CAB39L: variants seen among roughly 807,000 people sequenced by gnomAD.
CAB39L encodes the protein calcium-binding protein 39-like.
CAB39L carries 23 observed loss-of-function variants against 39.1 expected under a neutral mutation model. The observed-to-expected ratio is 0.59, with a 90% CI of 0.42 to 0.83. CAB39L has a LOEUF of 0.83. Among genes scored for constraint, CAB39L ranks in the 40% least tolerant of loss-of-function variants. The probability of loss-of-function intolerance (pLI) is 0.00; values close to 1 mark genes in which losing one functional copy is unlikely to be tolerated. For synonymous variants in CAB39L, 126 were observed against 137.2 expected (o/e 0.92, Z 0.57); for missense variants, 366 against 391.9 (o/e 0.93, Z 0.56).
At chr13:49,410,133 G>T (rs1264763590) in intron 3 of CAB39L, among the ~76,000 whole-genome samples, 1 of 152,092 alleles carries the variant, frequency 6.6e-6, no homozygotes, top group Non-Finnish European at 1.5e-5. Context: ...AGATCTTGGA[G>T]CCCCAAGATT....
At chr13:49,418,651 C>G (rs1348006660) in intron 3 of CAB39L, among the ~76,000 whole-genome samples, 1 of 152,178 alleles carries the variant, frequency 6.6e-6, no homozygotes, top group African/African-American at 2.4e-5. Context: ...TCACTGCAAC[C>G]TTCCCCTCCT....
intron 10 of CAB39L, among the ~76,000 whole-genome samples, chr13:49,321,949 T>A (rs532423365): frequency 6.6e-5 from 10 of 152,218 alleles, no homozygotes; most frequent in Admixed American, 3.3e-4. Context: ...ATTACCTATA[T>A]CTCACGGAGT....
At chr13:49,325,184 A>T (rs1954461774) in intron 10 of CAB39L, among the ~76,000 whole-genome samples, 1 of 152,242 alleles carries the variant, frequency 6.6e-6, no homozygotes, top group African/African-American at 2.4e-5. Flanking sequence ...AAAAATAGAA[A>T]GGAGAAGTGA....
intron 3 of CAB39L, among the ~76,000 whole-genome samples, chr13:49,418,680 T>A (rs1957123014): frequency 1.3e-5 from 2 of 152,140 alleles, no homozygotes; most frequent in South Asian, 4.1e-4. Context: ...GCGATTCTTC[T>A]GCCTCCTGAG....
intron 5 of CAB39L, among the ~76,000 whole-genome samples, chr13:49,365,414 C>T (rs1476196813): frequency 6.6e-6 from 1 of 152,162 alleles, no homozygotes; most frequent in African/African-American, 2.4e-5. Context: ...AGCAAAACCC[C>T]ACAAGCACAG....
At position 49,310,889 on chromosome 13, in the gene CAB39L, C is replaced by T. The variant is rs1215317988; in HGVS notation, c.939G>A (p.Thr313=). The T allele has an allele frequency of 8.1e-6, 13 of 1,613,988 alleles. No individual in the cohort carries two copies. The highest frequency in any genetic ancestry group is 3.3e-5 in the South Asian group (3 of 91,080). The change falls in exon 11 of 11, where the codon ACG becomes ACA. Residue 313 remains threonine, a synonymous_variant. Transcript: ENST00000409308. ...TCTCGTCAGCGAACTGCTCATCATCCGTCCTTTCTTTTTGGAAGCTGCTCA... is the reference window on the plus strand; with the variant it reads ...TCTCGTCAGCGAACTGCTCATCATCTGTCCTTTCTTTTTGGAAGCTGCTCA... ...EFLSSFQKER[T]DDEQFADEKN... is the part of the protein sequence containing the mutation.
chr13:49,359,599 T>C (rs961837554), intron 6 of CAB39L, 115 bp downstream of exon 6: 7 of 583,740 alleles, frequency 1.2e-5, no homozygotes, highest in Non-Finnish European at 2.1e-5. Flanking sequence ...ACATGACAAA[T>C]ACCTTTACTG....
At chr13:49,329,198 C>G (rs11839149) in intron 10 of CAB39L, among the ~76,000 whole-genome samples, 22,205 of 152,044 alleles carry the variant, frequency 0.15, 1,737 homozygotes, top group African/African-American at 0.18. Context: ...TTCATTTACT[C>G]TAAATCCATA....
chr13:49,424,120 CCT>C (rs1329485989), intron 3 of CAB39L, among the ~76,000 whole-genome samples: 4 of 152,138 alleles, frequency 2.6e-5, no homozygotes, highest in Non-Finnish European at 4.4e-5. Context: ...CTCCCCACTC[CCT>C]GAGTGTAAGT....
At chr13:49,314,214 C>T (rs556473285) in intron 10 of CAB39L, among the ~76,000 whole-genome samples, 7 of 152,200 alleles carry the variant, frequency 4.6e-5, no homozygotes, top group East Asian at 3.9e-4. Context: ...AAGGCGGCGC[C>T]GGCTCTGGAA....
chr13:49,317,287 T>C (rs1954184982), intron 10 of CAB39L, among the ~76,000 whole-genome samples: 1 of 152,114 alleles, frequency 6.6e-6, no homozygotes. Context: ...CCCAGCACTT[T>C]GGGAGGCCGA....
intron 3 of CAB39L, among the ~76,000 whole-genome samples, chr13:49,405,998 G>T (rs955412436): frequency 6.6e-6 from 1 of 151,994 alleles, no homozygotes; most frequent in African/African-American, 2.4e-5. Flanking sequence ...GAGAATGATG[G>T]TGGCAGGAAG....
chr13:49,312,537 C>T (rs1454969553), intron 10 of CAB39L, among the ~76,000 whole-genome samples: 1 of 152,210 alleles, frequency 6.6e-6, no homozygotes, highest in African/African-American at 2.4e-5. Context: ...ATAGCCCACA[C>T]TATATAGCCT....
intron 3 of CAB39L, among the ~76,000 whole-genome samples, chr13:49,386,741 C>T (rs1223225466): frequency 6.6e-6 from 1 of 151,834 alleles, no homozygotes; most frequent in Non-Finnish European, 1.5e-5. Flanking sequence ...TAAGGCAGAA[C>T]TCTCCTGCCT....
At chr13:49,367,795 A>G (rs1955809429) in intron 5 of CAB39L, among the ~76,000 whole-genome samples, 1 of 152,048 alleles carries the variant, frequency 6.6e-6, no homozygotes, top group African/African-American at 2.4e-5. Context: ...GCACATGCCT[A>G]TAGTCTCAGC....
chr13:49,344,521 ATTTT>A (rs369905242), intron 7 of CAB39L, among the ~76,000 whole-genome samples: 1 of 135,980 alleles, frequency 7.4e-6, no homozygotes, highest in Non-Finnish European at 1.6e-5. Flanking sequence ...AGATGAGTTA[ATTTT>A]TTTTTTTTTT....
chr13:49,395,523 C>T (rs192714169), intron 3 of CAB39L, among the ~76,000 whole-genome samples: 12 of 152,210 alleles, frequency 7.9e-5, no homozygotes, highest in South Asian at 4.1e-4. Context: ...TGAGCCACCA[C>T]GCCTGGCCTG....
rs144193786 is a variant in CAB39L at position 49,322,250 on chromosome 13, C to T, written c.834+9697G>A. ...TTCATATAAATGGACTAATAAAATACGTGGTTTCTATGACTAGCTTCTTTC... is the reference window on the plus strand; with the variant it reads ...TTCATATAAATGGACTAATAAAATATGTGGTTTCTATGACTAGCTTCTTTC... On this transcript the variant is annotated intron_variant, in intron 10 of 10. Transcript: ENST00000409308. Among the ~76,000 whole-genome samples, 25 of 152,188 alleles carry T rather than the reference C, an allele frequency of 1.6e-4. No individual in the cohort carries two copies. The East Asian group carries it at 3.5e-3, about 21-fold the overall frequency.
intron 10 of CAB39L, among the ~76,000 whole-genome samples, chr13:49,329,948 G>A (rs1954639997): frequency 6.6e-6 from 1 of 152,078 alleles, no homozygotes; most frequent in Admixed American, 6.5e-5. Context: ...ACTGCATGCT[G>A]GTATCTAATT....
Sources: gnomAD v4.1 joint callset for allele counts (sites outside exome capture counted in the v4.1 genomes callset) on GRCh38, gnomAD v4.1.1 for gene constraint, MANE v1.5 for transcripts, NCBI Gene and HGNC (gene_info 2026-07-23, HGNC 2026-07-21) for gene names.